Variants in PXYLP1 observed in about 807,000 individuals in gnomAD.
PXYLP1 encodes 2-phosphoxylose phosphatase 1, also known as acid phosphatase-like 2.
A neutral mutation model predicts 37.9 loss-of-function variants in PXYLP1; 17 were observed. That is an observed-to-expected ratio of 0.45 (90% CI 0.31 to 0.67). PXYLP1 has a LOEUF of 0.67. PXYLP1 is among the 30% of genes least tolerant of loss of function. The probability of loss-of-function intolerance (pLI) is 0.07; values close to 1 mark genes in which losing one functional copy is unlikely to be tolerated. For missense variants in PXYLP1, 511 were observed against 612.0 expected (o/e 0.84, Z 1.74); for synonymous variants, 221 against 232.2 (o/e 0.95, Z 0.44).
At chr3:141,286,978 G>A (rs13068748) in intron 4 of PXYLP1, among the ~76,000 whole-genome samples, 2 of 152,218 alleles carry the variant, frequency 1.3e-5, no homozygotes, top group Admixed American at 6.5e-5. Flanking sequence ...GCCCAGCCTA[G>A]GCGTGACTGC....
At chr3:141,235,642 G>A (rs897704185) in intron 1 of PXYLP1, 1 of 152,302 alleles carries the variant, frequency 6.6e-6, no homozygotes, top group African/African-American at 2.4e-5. Context: ...TAGTAGGATG[G>A]TGGGCCTTTT....
intron 1 of PXYLP1, among the ~76,000 whole-genome samples, chr3:141,257,977 G>T (rs75879116): frequency 0.023 from 3,471 of 151,254 alleles, 60 homozygotes; most frequent in South Asian, 0.044. Context: ...TAAGACCATA[G>T]GAAACATACT....
chr3:141,262,604 T>G, intron 2 of PXYLP1: 1 of 1,473,880 alleles, frequency 6.8e-7, no homozygotes, highest in Non-Finnish European at 8.9e-7. Flanking sequence ...TCAGCCATAC[T>G]TTTTTAAGGA....
At chr3:141,252,497 G>C (rs572722465) in intron 1 of PXYLP1, among the ~76,000 whole-genome samples, 1 of 152,238 alleles carries the variant, frequency 6.6e-6, no homozygotes, top group African/African-American at 2.4e-5. Context: ...GAGAGAAAGA[G>C]GAGGTCCCAG....
intron 1 of PXYLP1, among the ~76,000 whole-genome samples, chr3:141,248,243 G>C (rs1222695812): frequency 1.3e-5 from 2 of 151,906 alleles, no homozygotes; most frequent in Non-Finnish European, 2.9e-5. Flanking sequence ...ATGTTGGTTA[G>C]GCTGGTCTCG....
chr3:141,292,475 C>G lies in PXYLP1; in HGVS notation c.713C>G (p.Ala238Gly). Reference sequence around the variant, plus strand: ...ATTTATTTCAGGCACCAGCCAAGTGCGCTGTTCTGCTCTGGAAGCTGCTAT... The same window carrying G: ...ATTTATTTCAGGCACCAGCCAAGTGGGCTGTTCTGCTCTGGAAGCTGCTAT... ...KKIYFRHQPS[A>G]LFCSGSCYCP... Residue 238 changes from alanine to glycine, a missense_variant, in exon 6 of 6, where the codon GCG becomes GGG. Ala to Gly is a moderately conservative substitution (Grantham distance 60). Transcript: ENST00000286353. This position sits in a 1 kb window ranked among gnomAD's most constrained non-coding sequence, Gnocchi z 4.3. The G allele has an allele frequency of 2.5e-6, 4 of 1,614,204 alleles. No homozygotes were observed.
rs1942298328 is a variant in PXYLP1, at chr3:141,294,181, T to C, written c.*976T>C. ...TTAGTATTTTTATAGTTTAGGAAAA[T>C]ATTTTCTAAGACCAGTTTTAGATGA... On this transcript the variant is annotated 3_prime_UTR_variant, in exon 6 of 6. Transcript: ENST00000286353. The C allele has an allele frequency of 6.6e-6, 1 of 152,228 alleles. No homozygotes were observed. Among genetic ancestry groups the C allele is most frequent in the African/African-American group, 2.4e-5 (1 of 41,462 alleles). The allele number at this position is 152,228 out of a possible 1,614,324, so 9.4% of individuals were successfully genotyped here.
rs1292368730 is a variant in PXYLP1, at chr3:141,277,449, CT to C, written c.80-892del. 3.3e-5 allele frequency among the ~76,000 whole-genome samples: 5 copies of C among 152,282 alleles called. No homozygotes were observed. In the East Asian group the frequency reaches 9.6e-4, roughly 29 times the overall value. ...CTAGGCACGGAGAGATTAGGGACCACTGAGACAGAAGCTGTTCATGAGGGAT... is the reference window on the plus strand; with the variant it reads ...CTAGGCACGGAGAGATTAGGGACCACGAGACAGAAGCTGTTCATGAGGGAT... On this transcript the variant is annotated intron_variant, in intron 2 of 5. Transcript: ENST00000286353.
chr3:141,274,042 T>C (rs937119452), intron 2 of PXYLP1: 5 of 986,826 alleles, frequency 5.1e-6, no homozygotes, highest in African/African-American at 1.7e-5. Flanking sequence ...TCTGAGCTGC[T>C]GTCATCTGCC....
Position 141,293,151 on chromosome 3 carries a change from C to A in PXYLP1, c.1389C>A (p.Ala463=), listed in dbSNP as rs1392593854. ...VRFVKRDMFV[A]LGGSGTNYYD... The stretch of plus-strand genomic sequence containing the variant: ...TTGTGAAAAGGGACATGTTTGTAGC[C>A]CTGGGTGGCAGTGGTACAAATTATT... Residue 463 remains alanine, a synonymous_variant, in exon 6 of 6, where the codon GCC becomes GCA. Transcript: ENST00000286353. 1 of 1,614,014 alleles carries A rather than the reference C, an allele frequency of 6.2e-7. No individual in the cohort carries two copies. The highest frequency in any genetic ancestry group is 1.3e-5 in the African/African-American group (1 of 75,020).
intron 1 of PXYLP1, chr3:141,235,240 C>T (rs190245620): frequency 2.0e-5 from 3 of 152,374 alleles, no homozygotes; most frequent in Non-Finnish European, 4.4e-5. Context: ...TTGAGAAGGC[C>T]TTGAAAGCCA....
intron 1 of PXYLP1, among the ~76,000 whole-genome samples, chr3:141,252,522 G>C (rs1235697472): frequency 6.6e-6 from 1 of 152,128 alleles, no homozygotes; most frequent in African/African-American, 2.4e-5. Context: ...CTTATAACCA[G>C]CTCTCACGTC....
rs1444430752 is a variant in PXYLP1, at chr3:141,262,662, T to C, written c.79+2408T>C. On this transcript the variant is annotated intron_variant, in intron 2 of 5. Transcript: ENST00000286353. ...CTGTCTGGGTCTGAGCTCTTTATTC[T>C]TGGATACGTTGGAGATCGGAAAGAT... The C allele has an allele frequency of 2.9e-5, 44 of 1,531,450 alleles. 1 individual carries two copies. Among genetic ancestry groups the C allele is most frequent in the Non-Finnish European group, 3.8e-5 (44 of 1,145,482 alleles). The allele number at this position is 1,531,450 out of a possible 1,614,324, so 94.9% of individuals were successfully genotyped here.
intron 5 of PXYLP1, chr3:141,291,861 C>T (rs1317776430): frequency 5.7e-6 from 1 of 175,188 alleles, no homozygotes; most frequent in African/African-American, 2.4e-5. Flanking sequence ...TCACTGAGCA[C>T]TCGCTGCACA....
intron 5 of PXYLP1, among the ~76,000 whole-genome samples, chr3:141,288,922 A>G (rs1942137901): frequency 6.6e-6 from 1 of 152,210 alleles, no homozygotes; most frequent in African/African-American, 2.4e-5. Flanking sequence ...AATGAATGTA[A>G]TCTTTCTATG....
rs775087714 is a variant in PXYLP1, at chr3:141,294,484, G to A, written c.*1279G>A. 9 of 152,180 alleles carry A rather than the reference G, an allele frequency of 5.9e-5. No homozygotes were observed. Among genetic ancestry groups the A allele is most frequent in the Non-Finnish European group, 1.3e-4 (9 of 68,034 alleles). The allele number at this position is 152,180 out of a possible 1,614,324, so 9.4% of individuals were successfully genotyped here. A position where few individuals can be genotyped will look rare whatever the true frequency, so the allele number is the denominator to read the frequency against. On this transcript the variant is annotated 3_prime_UTR_variant, in exon 6 of 6. Transcript: ENST00000286353. ...ATTAGAAGCAATTATAATTACATCT[G>A]TGATTTCTGAACTAATGGTGCTAAT...
At chr3:141,256,802 G>A (rs1576585065) in intron 1 of PXYLP1, among the ~76,000 whole-genome samples, 1 of 152,164 alleles carries the variant, frequency 6.6e-6, no homozygotes, top group Non-Finnish European at 1.5e-5. Flanking sequence ...CCTAGCACAA[G>A]TAGAAATAAT....
intron 2 of PXYLP1, among the ~76,000 whole-genome samples, chr3:141,264,678 G>A (rs1941465883): frequency 6.6e-6 from 1 of 152,128 alleles, no homozygotes; most frequent in Non-Finnish European, 1.5e-5. Context: ...AGCACAGTGG[G>A]GTCAGAAAGA....
In PXYLP1 at chr3:141,278,446, T is replaced by C. The variant is rs752462176; in HGVS notation, c.184T>C (p.Tyr62His). ...GGAGCCCCCTGTGACAGACCCCGTT[T>C]ATGAAGCTCTTTTGTACTGCAACAT... is the stretch of plus-strand genomic sequence containing the variant. ...VTEPPVTDPV[Y>H]EALLYCNIPS... Residue 62 changes from tyrosine (Y) to histidine (H), a missense_variant, in exon 3 of 6, where the codon TAT (tyrosine) becomes CAT (histidine). Tyr to His is a moderately conservative substitution (Grantham distance 83). Coordinates refer to ENST00000286353, the MANE Select transcript of PXYLP1 (RefSeq NM_001037172.3). The C allele has an allele frequency of 6.2e-7, 1 of 1,614,212 alleles. No homozygotes were observed. Among genetic ancestry groups the C allele is most frequent in the Non-Finnish European group, 8.5e-7 (1 of 1,180,030 alleles).
Sources: gnomAD v4.1 joint callset for allele counts (sites outside exome capture counted in the v4.1 genomes callset) on GRCh38, gnomAD v4.1.1 for gene constraint, Gnocchi (gnomAD v3.1) non-coding constraint, MANE v1.5 for transcripts, NCBI Gene and HGNC (gene_info 2026-07-23, HGNC 2026-07-21) for gene names.